The following MBOAT2 variants were observed in gnomAD, a reference collection of about 807,000 sequenced individuals.
MBOAT2 encodes membrane-bound glycerophospholipid O-acyltransferase 2.
A neutral mutation model predicts 63.4 loss-of-function variants in MBOAT2; 28 were observed. The ratio of observed to expected loss-of-function variants is 0.44; its 90% CI spans 0.33 to 0.61. MBOAT2 has a LOEUF of 0.61. Ranked by LOEUF, MBOAT2 falls within the 20% of genes least tolerant of loss-of-function variation. MBOAT2 has a pLI of 0.03. For synonymous variants in MBOAT2, 211 were observed against 215.6 expected, an observed-to-expected ratio of 0.98 and a Z score of 0.19; for missense variants, 470 against 605.8, an observed-to-expected ratio of 0.78 and a Z score of 2.35.
chr2:8,962,030 G>A (rs1231041384), intron 1 of MBOAT2, among the ~76,000 whole-genome samples: 1 of 152,120 alleles, frequency 6.6e-6, no homozygotes, highest in African/African-American at 2.4e-5. Context: ...CAGCTCCCCA[G>A]AGCACTGTCT....
At position 8,860,723 on chromosome 2, in the gene MBOAT2, T is replaced by A. The variant is rs371335603; in HGVS notation, c.1227A>T (p.Gln409His). Residue 409 changes from glutamine to histidine, a missense_variant, in exon 12 of 13, where the codon CAA becomes CAT. Physicochemically the swap from Gln to His is conservative, Grantham distance 24. Around this residue, in one of 3 missense-constraint regions of MBOAT2, gnomAD observed 376 missense variants for 503.8 expected, o/e 0.75. Coordinates refer to ENST00000305997, the MANE Select transcript of MBOAT2 (RefSeq NM_138799.4). ...TTATAACATCATAAAATAATTTCAG[T>A]TGGGAAGGTTCAATGAAATAATGTC... ...NFRHYFIEPSQLKLFYDVITW... is the reference protein window; with the variant it reads ...NFRHYFIEPSHLKLFYDVITW... The A allele has an allele frequency of 2.5e-6, 4 of 1,602,122 alleles. No individual in the cohort carries two copies. The African/African-American group carries it at 5.4e-5, about 21-fold the overall frequency.
intron 1 of MBOAT2, 107 bp from the exon 2 acceptor site, chr2:8,958,749 G>T: frequency 8.6e-7 from 1 of 1,160,620 alleles, no homozygotes. Flanking sequence ...CACAAAAATT[G>T]ACCTTCCAAG....
At chr2:9,001,280 T>C (rs1655872667) in intron 1 of MBOAT2, among the ~76,000 whole-genome samples, 2 of 152,128 alleles carry the variant, frequency 1.3e-5, no homozygotes, top group African/African-American at 4.8e-5. Flanking sequence ...CTTAGGATTA[T>C]CAAATATTAC....
intron 1 of MBOAT2, among the ~76,000 whole-genome samples, chr2:8,985,950 G>C (rs774689738): frequency 2.0e-4 from 30 of 152,138 alleles, no homozygotes; most frequent in Non-Finnish European, 8.8e-5. Flanking sequence ...TGGAAAGTGG[G>C]AGTAAAAAGA....
Position 8,852,966 on chromosome 2 carries a change from C to T in MBOAT2, c.*5713G>A, listed in dbSNP as rs556245915. ...AAAAAATATTTTGGAATAATAAAAA[C>T]AGAAAGCACAGAACACCACATTCTA... On this transcript the variant is annotated 3_prime_UTR_variant, in exon 13 of 13. Transcript: ENST00000305997. The T allele has an allele frequency of 6.6e-6, 1 of 152,206 alleles. No individual in the cohort carries two copies. The highest frequency in any genetic ancestry group is 2.1e-4 in the South Asian group (1 of 4,824). 9.4% of individuals were successfully genotyped at this position (152,206 alleles called of 1,614,324 possible).
rs577184937 is a variant in MBOAT2 at position 8,938,553 on chromosome 2, C to G, written c.299+4634G>C. ...ATGCCGCCACGTTTCATGCCGCCAT[C>G]TCATGCCGCTGTGTCTCAGGCCACA... On this transcript the variant is annotated intron_variant, in intron 3 of 12. Transcript: ENST00000305997. 1.2e-4 allele frequency among the ~76,000 whole-genome samples: 18 copies of G among 151,158 alleles called. No individual in the cohort carries two copies. The South Asian group carries it at 3.8e-3, about 32-fold the overall frequency.
chr2:8,977,679 T>C (rs1225912399), intron 1 of MBOAT2, among the ~76,000 whole-genome samples: 2 of 152,176 alleles, frequency 1.3e-5, no homozygotes, highest in African/African-American at 4.8e-5. Flanking sequence ...ACCTCTCTGA[T>C]GAACTTCAGA....
At chr2:8,868,189 T>C (rs1662038794) in intron 9 of MBOAT2, among the ~76,000 whole-genome samples, 1 of 152,202 alleles carries the variant, frequency 6.6e-6, no homozygotes, top group African/African-American at 2.4e-5. Flanking sequence ...CCCTCTCTGA[T>C]CACCACCTGT....
At chr2:8,934,461 AC>A (rs1256228006) in intron 3 of MBOAT2, among the ~76,000 whole-genome samples, 1 of 152,252 alleles carries the variant, frequency 6.6e-6, no homozygotes, top group East Asian at 1.9e-4. Context: ...GGCATCACAC[AC>A]AAACCTGTAA....
Position 8,873,137 on chromosome 2 carries a change from C to G in MBOAT2, c.854G>C (p.Arg285Thr). 1 of 1,614,018 alleles carries G rather than the reference C, an allele frequency of 6.2e-7. No homozygotes were observed. The highest frequency in any genetic ancestry group is 8.5e-7 in the Non-Finnish European group (1 of 1,179,948). Reference protein sequence around the residue: ...IYLYISLLAARPKYYFAWTLA... With the variant: ...IYLYISLLAATPKYYFAWTLA... ...CGTCCATGCAAAATAGTATTTGGGT[C>G]TGGCAGCCAAAAGAGAGATATACAG... Residue 285 changes from arginine (R) to threonine (T), a missense_variant, in exon 8 of 13, where the codon AGA (arginine) becomes ACA (threonine). Arg to Thr is a moderately conservative substitution (Grantham distance 71). Transcript: ENST00000305997.
At position 8,975,462 on chromosome 2, in the gene MBOAT2, C is replaced by A. The variant is rs112163993; in HGVS notation, c.76-16820G>T. On this transcript the variant is annotated intron_variant, in intron 1 of 12. Transcript: ENST00000305997. ...ACCAATCCCTGAGTGGAAGGCCTGG[C>A]TCTATCTGTGCCTTTCATTCACTGA... 9.9e-3 allele frequency among the ~76,000 whole-genome samples: 1,501 copies of A among 152,120 alleles called. 18 individuals are homozygous for A. Among genetic ancestry groups the A allele is most frequent in the African/African-American group, 0.034 (1,430 of 41,498 alleles).
Position 8,858,401 on chromosome 2 carries a change from A to C in MBOAT2, c.*278T>G, listed in dbSNP as rs1306438039. The stretch of plus-strand genomic sequence containing the variant: ...TTGGGATACGCAACATACATTCAGC[A>C]ACAGGGCACGCGTGTGACCCTACGG... On this transcript the variant is annotated 3_prime_UTR_variant, in exon 13 of 13. Coordinates refer to ENST00000305997, the MANE Select transcript of MBOAT2 (RefSeq NM_138799.4). 1 of 311,010 alleles carries C rather than the reference A, an allele frequency of 3.2e-6. No individual in the cohort carries two copies. The highest frequency in any genetic ancestry group is 5.9e-6 in the Non-Finnish European group (1 of 168,722). 19.3% of individuals were successfully genotyped at this position (311,010 alleles called of 1,614,324 possible). A position where few individuals can be genotyped will look rare whatever the true frequency, so the allele number is the denominator to read the frequency against.
chr2:8,869,034 C>G lies in MBOAT2; in HGVS notation c.884-485G>C, dbSNP rs189917444. ...CTTTCTTGGTTCACCAGAACCTACT[C>G]TGTGTATATGTCTCTAGAATTTTTA... On this transcript the variant is annotated intron_variant, in intron 8 of 12. Coordinates refer to ENST00000305997, the MANE Select transcript of MBOAT2 (RefSeq NM_138799.4). Among the ~76,000 whole-genome samples, 41 of 152,148 alleles carry G rather than the reference C, an allele frequency of 2.7e-4. No homozygotes were observed. The East Asian group carries it at 7.7e-3, about 29-fold the overall frequency.
intron 5 of MBOAT2, 97 bp from the exon 6 acceptor site, chr2:8,882,662 A>G (rs1206938611): frequency 1.9e-6 from 2 of 1,029,178 alleles, no homozygotes; most frequent in African/African-American, 1.6e-5. Context: ...TTTGAAATTC[A>G]TGCTATTATA....
intron 1 of MBOAT2, among the ~76,000 whole-genome samples, chr2:9,002,329 G>A (rs573222716): frequency 6.6e-6 from 1 of 152,146 alleles, no homozygotes; most frequent in Non-Finnish European, 1.5e-5. Context: ...TACTTAAGGC[G>A]ATTTTATTTA....
At chr2:8,979,919 A>G (rs1397800734) in intron 1 of MBOAT2, among the ~76,000 whole-genome samples, 1 of 152,150 alleles carries the variant, frequency 6.6e-6, no homozygotes, top group Non-Finnish European at 1.5e-5. Context: ...CTAGGGAGAA[A>G]GCCGCAGATG....
At chr2:8,859,240 A>C (rs545196137) in intron 12 of MBOAT2, among the ~76,000 whole-genome samples, 1 of 152,222 alleles carries the variant, frequency 6.6e-6, no homozygotes, top group Admixed American at 6.5e-5. Context: ...CCCAATCCAG[A>C]TAATCAAAAG....
intron 3 of MBOAT2, among the ~76,000 whole-genome samples, chr2:8,916,351 T>C (rs1666174370): frequency 6.6e-6 from 1 of 152,220 alleles, no homozygotes; most frequent in Non-Finnish European, 1.5e-5. Context: ...AATATCAAAA[T>C]AAAATCAACA....
chr2:8,862,497 G>C lies in MBOAT2; in HGVS notation c.1185+93C>G. The C allele has an allele frequency of 6.8e-7, 1 of 1,474,066 alleles. No homozygotes were observed. Among genetic ancestry groups the C allele is most frequent in the Non-Finnish European group, 9.2e-7 (1 of 1,085,988 alleles). 91.3% of individuals were successfully genotyped at this position (1,474,066 alleles called of 1,614,324 possible). ...AAGGACAATACTGACCACGACCAAG[G>C]AAAGAGGGTCTACCTTGTAAGAGAG... On this transcript the variant is annotated intron_variant, in intron 11 of 12. Coordinates refer to ENST00000305997, the MANE Select transcript of MBOAT2 (RefSeq NM_138799.4). The surrounding 1 kb of genome is among the most constrained non-coding windows in gnomAD (Gnocchi z 4.3).
Sources: gnomAD v4.1 joint callset for allele counts (sites outside exome capture counted in the v4.1 genomes callset) on GRCh38, gnomAD v4.1.1 for gene constraint, gnomAD v4.1.1 regional missense constraint, Gnocchi (gnomAD v3.1) non-coding constraint, MANE v1.5 for transcripts, NCBI Gene and HGNC (gene_info 2026-07-23, HGNC 2026-07-21) for gene names.